Variants in PPP6R1 observed in about 807,000 individuals in gnomAD.
The protein encoded by PPP6R1 is protein phosphatase 6 regulatory subunit 1, also known as serine/threonine-protein phosphatase 6 regulatory subunit 1.
PPP6R1 carries 39 observed loss-of-function variants against 104.6 expected under a neutral mutation model. The ratio of observed to expected loss-of-function variants is 0.37; its 90% CI spans 0.29 to 0.49. The LOEUF is 0.49. PPP6R1 is among the 20% of genes least tolerant of loss of function. The pLI is 0.98. For missense variants in PPP6R1, 1,181 were observed against 1,155.8 expected (o/e 1.02, Z -0.32); for synonymous variants, 549 against 479.0 (o/e 1.15, Z -1.91).
chr19:55,241,760 C>T lies in PPP6R1; in HGVS notation c.846-121G>A, dbSNP rs2087460164. 3.2e-6 allele frequency: 4 copies of T among 1,242,648 alleles called. No individual in the cohort carries two copies. The highest frequency in any genetic ancestry group is 2.9e-5 in the Admixed American group (1 of 34,588). The allele number at this position is 1,242,648 out of a possible 1,614,324, so 77.0% of individuals were successfully genotyped here. ...AAAACGAGGAGCCACATGCCCCCAG[C>T]GCCGCTCTCTTCTGAGGCCCTTCAG... is the stretch of plus-strand genomic sequence containing the variant. On this transcript the variant is annotated intron_variant, in intron 7 of 23. Coordinates refer to ENST00000412770, the MANE Select transcript of PPP6R1 (RefSeq NM_014931.4). This position sits in a 1 kb window ranked among gnomAD's most constrained non-coding sequence, Gnocchi z 5.4.
rs543487362 is a variant in PPP6R1, at chr19:55,230,141, G to A, written c.*387C>T. 30 of 209,314 alleles carry A rather than the reference G, an allele frequency of 1.4e-4. No individual in the cohort carries two copies. Among genetic ancestry groups the A allele is most frequent in the African/African-American group, 6.5e-4 (28 of 43,128 alleles). The allele number at this position is 209,314 out of a possible 1,614,324, so 13.0% of individuals were successfully genotyped here. ...AGCTGGGCACGTGGGTGGCAACCTT[G>A]GGACCCCTAACACCAGCTCCCGCTG... On this transcript the variant is annotated 3_prime_UTR_variant, in exon 24 of 24. Transcript: ENST00000412770.
At chr19:55,238,930 GA>G (rs906122437) in intron 15 of PPP6R1, 11 of 163,150 alleles carry the variant, frequency 6.7e-5, no homozygotes, top group Admixed American at 1.2e-4. Context: ...TTGGTAATTG[GA>G]AAAAAAAAGT....
intron 1 of PPP6R1, among the ~76,000 whole-genome samples, chr19:55,252,236 A>AT: frequency 6.6e-6 from 1 of 151,652 alleles, no homozygotes; most frequent in Non-Finnish European, 1.5e-5. Context: ...TTTATTTATT[A>AT]TTTTTTTTCT....
At chr19:55,232,390 G>A (rs2087357631) in intron 17 of PPP6R1, 179 bp from the exon 18 acceptor site, 3 of 906,874 alleles carry the variant, frequency 3.3e-6, no homozygotes, top group Admixed American at 3.1e-5. Context: ...AGGGAGTTCT[G>A]AGCCAACGGC....
At position 55,231,941 on chromosome 19, in the gene PPP6R1, C is replaced by T. The variant is rs1347830783; in HGVS notation, c.2167G>A (p.Ala723Thr). 1.1e-5 allele frequency: 17 copies of T among 1,581,950 alleles called. No individual in the cohort carries two copies. The South Asian group carries it at 1.5e-4, about 14-fold the overall frequency. The change falls in exon 19 of 24, where the codon GCC becomes ACC. Residue 723 changes from alanine to threonine, a missense_variant. Around this residue, in one of 2 missense-constraint regions of PPP6R1, gnomAD observed 1,042 missense variants for 955.6 expected, o/e 1.09. Transcript: ENST00000412770. Reference sequence around the variant, plus strand: ...CCGGAGACTCGGGGGCTGGTCGGGGCATCTGTAGGCACTGGGTCAAAGGTG... The same window carrying T: ...CCGGAGACTCGGGGGCTGGTCGGGGTATCTGTAGGCACTGGGTCAAAGGTG... ...TATFDPVPTD[A>T]PTSPRVSGEE...
Position 55,241,713 on chromosome 19 carries a change from CCA to C in PPP6R1, c.846-76_846-75del. The C allele has an allele frequency of 6.9e-7, 1 of 1,451,950 alleles. No homozygotes were observed. Among genetic ancestry groups the C allele is most frequent in the East Asian group, 2.5e-5 (1 of 40,062 alleles). 89.9% of individuals were successfully genotyped at this position (1,451,950 alleles called of 1,614,324 possible). On this transcript the variant is annotated intron_variant, in intron 7 of 23. Coordinates refer to ENST00000412770, the MANE Select transcript of PPP6R1 (RefSeq NM_014931.4). The surrounding 1 kb of genome is among the most constrained non-coding windows in gnomAD (Gnocchi z 5.4). ...GCCCACACAGGAGTAGGCACAAGGA[CCA>C]CGTCTGCAGGGTCTGGAGGAAAACG...
In PPP6R1 at chr19:55,240,227, G is replaced by A. The variant is rs776713028; in HGVS notation, c.1361+9C>T. 13 of 1,585,142 alleles carry A rather than the reference G, an allele frequency of 8.2e-6. No individual in the cohort carries two copies. The highest frequency in any genetic ancestry group is 2.3e-5 in the South Asian group (2 of 86,806). On this transcript the variant is annotated intron_variant, in intron 11 of 23. Transcript: ENST00000412770. ...GCCCCTGGAGACATGAAGGGCAGCA[G>A]GTGCTCACTGTACACGGTCGTTCTC...
Position 55,240,556 on chromosome 19 carries a change from CAT to C in PPP6R1, c.1297-258_1297-257del, listed in dbSNP as rs1460700977. Among the ~76,000 whole-genome samples the C allele has an allele frequency of 4.8e-3, 710 of 148,030 alleles. 20 individuals are homozygous for C. The East Asian group carries it at 0.086, about 18-fold the overall frequency. ...ACACACACACACACACACACACACACATGCATGCACTAACGGACACACACATG... is the reference window on the plus strand; with the variant it reads ...ACACACACACACACACACACACACACGCATGCACTAACGGACACACACATG... On this transcript the variant is annotated intron_variant, in intron 10 of 23. Coordinates refer to ENST00000412770, the MANE Select transcript of PPP6R1 (RefSeq NM_014931.4).
intron 1 of PPP6R1, among the ~76,000 whole-genome samples, chr19:55,249,107 C>T (rs116671450): frequency 0.019 from 2,923 of 152,324 alleles, 107 homozygotes; most frequent in African/African-American, 0.067. Context: ...CAACGACAGT[C>T]ATGGCGGCAG....
intron 13 of PPP6R1, 48 bp from the exon 14 acceptor site, chr19:55,239,731 G>C: frequency 6.3e-7 from 1 of 1,588,040 alleles, no homozygotes; most frequent in Non-Finnish European, 8.6e-7. Flanking sequence ...CCCAGACCAG[G>C]GTGGGCAGGC....
intron 5 of PPP6R1, among the ~76,000 whole-genome samples, chr19:55,243,404 CA>C (rs58375899): frequency 6.8e-3 from 335 of 49,138 alleles, no homozygotes; most frequent in Admixed American, 0.012. Flanking sequence ...GACTCCATCT[CA>C]AAAAAAAAAA....
At position 55,247,129 on chromosome 19, in the gene PPP6R1, C is replaced by T. The variant is rs2087516171; in HGVS notation, c.-6-20G>A. 6.2e-7 allele frequency: 1 copy of T among 1,606,854 alleles called. No homozygotes were observed. The highest frequency in any genetic ancestry group is 8.5e-7 in the Non-Finnish European group (1 of 1,177,242). On this transcript the variant is annotated intron_variant, in intron 1 of 23. Coordinates refer to ENST00000412770, the MANE Select transcript of PPP6R1 (RefSeq NM_014931.4). ...GGCGCCCTGCAGGCATAGACACAAC[C>T]AGCGCCGCGTCAGACGCCCCAGGGA...
At chr19:55,240,874 T>A (rs1022385450) in intron 10 of PPP6R1, 71 bp downstream of exon 10, 2 of 1,540,660 alleles carry the variant, frequency 1.3e-6, no homozygotes, top group African/African-American at 2.7e-5. Context: ...GAGTGAGGGG[T>A]AGGCCTCTGG....
chr19:55,231,843 C>A lies in PPP6R1; in HGVS notation c.2265G>T (p.Gln755His). ...CACGGGCAGGAGGGCTGGCCAGGCT[C>A]TGAGTGGGGAGGCCCTGGGGCACAC... is the stretch of plus-strand genomic sequence containing the variant. ...PLSVPQGLPT[Q>H]SLASPPARDA... Residue 755 changes from glutamine (Q) to histidine (H), a missense_variant, in exon 19 of 24, where the codon CAG becomes CAT. By Grantham distance (24) the Gln-to-His change is conservative. Around this residue, in one of 2 missense-constraint regions of PPP6R1, gnomAD observed 1,042 missense variants for 955.6 expected, o/e 1.09. Coordinates refer to ENST00000412770, the MANE Select transcript of PPP6R1 (RefSeq NM_014931.4). 1 of 1,504,712 alleles carries A rather than the reference C, an allele frequency of 6.6e-7. No individual in the cohort carries two copies. The highest frequency in any genetic ancestry group is 8.9e-7 in the Non-Finnish European group (1 of 1,127,726). 93.2% of individuals were successfully genotyped at this position (1,504,712 alleles called of 1,614,324 possible).
At position 55,232,074 on chromosome 19, in the gene PPP6R1, C is replaced by T. The variant is rs2087354188; in HGVS notation, c.2125+1G>A. Reference sequence around the variant, plus strand: ...CCTGACCACACCGCCCATTCATTCACCTGGAGGCTGAGGGCCAGGGCTGGG... The same window carrying T: ...CCTGACCACACCGCCCATTCATTCATCTGGAGGCTGAGGGCCAGGGCTGGG... On this transcript the variant is annotated splice_donor_variant, in intron 18 of 23. Coordinates refer to ENST00000412770, the MANE Select transcript of PPP6R1 (RefSeq NM_014931.4). LOFTEE classifies it high-confidence loss of function. 6.2e-7 allele frequency: 1 copy of T among 1,611,792 alleles called. No individual in the cohort carries two copies. Among genetic ancestry groups the T allele is most frequent in the African/African-American group, 1.3e-5 (1 of 74,904 alleles).
intron 22 of PPP6R1, 30 bp downstream of exon 22, chr19:55,230,744 A>G (rs1235517369): frequency 1.4e-5 from 8 of 578,670 alleles, no homozygotes; most frequent in Admixed American, 5.4e-5. Context: ...CCCCACCCCC[A>G]CCCCCCCGCC....
intron 2 of PPP6R1, 98 bp downstream of exon 2, chr19:55,246,779 A>T: frequency 8.6e-7 from 1 of 1,159,856 alleles, no homozygotes; most frequent in Non-Finnish European, 1.2e-6. Flanking sequence ...ACTGGAGTTT[A>T]CTGACACTGA....
At chr19:55,235,519 C>CTT (rs1243985127) in intron 17 of PPP6R1, among the ~76,000 whole-genome samples, 12 of 141,988 alleles carry the variant, frequency 8.5e-5, no homozygotes, top group South Asian at 2.2e-4. Flanking sequence ...AATTAGATTC[C>CTT]TTTTTTTTTT....
chr19:55,245,183 C>T lies in PPP6R1; in HGVS notation c.555G>A (p.Trp185Ter), dbSNP rs1425445754. ...GCTGGACGATCTTCTCCTCGTTGAG[C>T]CACTGAGGGTGAGAAGGCGAGGGAT... ...RPQLRQDVVN[W>*]LNEEKIVQRL... The change falls in exon 5 of 24, where the codon TGG becomes TGA. Residue 185 changes from tryptophan to a stop codon, truncating the protein, a stop_gained and splice_region_variant. Coordinates refer to ENST00000412770, the MANE Select transcript of PPP6R1 (RefSeq NM_014931.4). LOFTEE classifies it high-confidence loss of function. This position sits in a 1 kb window ranked among gnomAD's most constrained non-coding sequence, Gnocchi z 6.4. The T allele has an allele frequency of 6.2e-7, 1 of 1,612,752 alleles. No individual in the cohort carries two copies. The highest frequency in any genetic ancestry group is 8.5e-7 in the Non-Finnish European group (1 of 1,179,516).
Sources: allele counts gnomAD v4.1 joint callset (sites outside exome capture counted in the v4.1 genomes callset), GRCh38; gene constraint gnomAD v4.1.1; regional missense constraint gnomAD v4.1.1; non-coding constraint Gnocchi (gnomAD v3.1); transcripts MANE v1.5; gene names NCBI Gene and HGNC (gene_info 2026-07-23, HGNC 2026-07-21).